The following TRIM2 variants were observed in gnomAD, a reference collection of about 807,000 sequenced individuals.
TRIM2 encodes tripartite motif containing 2, also known as tripartite motif-containing protein 2.
Under a neutral mutation model 75.2 loss-of-function variants are expected in TRIM2, and 20 were observed. The ratio of observed to expected loss-of-function variants is 0.27; its 90% confidence interval spans 0.19 to 0.39. The LOEUF (loss-of-function observed/expected upper bound fraction) is 0.39. Ranked by LOEUF, TRIM2 falls within the 10% of genes least tolerant of loss-of-function variation. The pLI is 1.00. For synonymous variants in TRIM2, 373 were observed against 388.3 expected (o/e 0.96, Z 0.46); for missense variants, 660 against 990.8 (o/e 0.67, Z 4.48).
chr4:153,259,200 G>A (rs746984211), intron 1 of TRIM2, among the ~76,000 whole-genome samples: 1 of 152,004 alleles, frequency 6.6e-6, no homozygotes, highest in Non-Finnish European at 1.5e-5. Flanking sequence ...ATCTATACAC[G>A]TTTTTTCCAT....
At chr4:153,304,272 C>T (rs1764529560) in intron 6 of TRIM2, among the ~76,000 whole-genome samples, 1 of 152,068 alleles carries the variant, frequency 6.6e-6, no homozygotes, top group Non-Finnish European at 1.5e-5. Flanking sequence ...CACCACCACA[C>T]CTGGCTAATT....
chr4:153,324,384 AG>A (rs754846490), intron 10 of TRIM2: 1 of 290,766 alleles, frequency 3.4e-6, no homozygotes, highest in Non-Finnish European at 6.3e-6. Flanking sequence ...GCAAATGAAG[AG>A]GACTTGAAAA....
At chr4:153,298,500 A>G (rs1318351356) in intron 6 of TRIM2, among the ~76,000 whole-genome samples, 1 of 152,102 alleles carries the variant, frequency 6.6e-6, no homozygotes, top group African/African-American at 2.4e-5. Context: ...AACACCAATC[A>G]TACTGAATTA....
chr4:153,322,080 C>A (rs1190751971), intron 8 of TRIM2, among the ~76,000 whole-genome samples: 1 of 152,036 alleles, frequency 6.6e-6, no homozygotes, highest in Non-Finnish European at 1.5e-5. Context: ...TTTAGGGGAT[C>A]CTAGACTATT....
At chr4:153,159,661 C>T (rs6817112) in intron 1 of TRIM2, among the ~76,000 whole-genome samples, 35,603 of 151,898 alleles carry the variant, frequency 0.23, 4,288 homozygotes, top group East Asian at 0.31. Flanking sequence ...CTCTCTTGTG[C>T]TTGTAACTCA....
chr4:153,268,929 C>G (rs1755956479), intron 1 of TRIM2, among the ~76,000 whole-genome samples: 1 of 152,222 alleles, frequency 6.6e-6, no homozygotes, highest in Admixed American at 6.5e-5. Context: ...GCCTTTGTCC[C>G]TACCCCATAG....
intron 8 of TRIM2, among the ~76,000 whole-genome samples, chr4:153,319,924 TG>T (rs1408140032): frequency 6.6e-6 from 1 of 152,170 alleles, no homozygotes; most frequent in East Asian, 1.9e-4. Context: ...CTGCCCTAGT[TG>T]TCACTACATG....
intron 8 of TRIM2, among the ~76,000 whole-genome samples, chr4:153,319,100 A>G (rs988996924): frequency 3.3e-5 from 5 of 152,252 alleles, no homozygotes; most frequent in African/African-American, 9.6e-5. Flanking sequence ...ACTCAGTAAA[A>G]TTAAACAAGT....
At chr4:153,255,599 A>T (rs1180512074) in intron 1 of TRIM2, among the ~76,000 whole-genome samples, 1 of 152,218 alleles carries the variant, frequency 6.6e-6, no homozygotes. Flanking sequence ...GGTCCTAATT[A>T]AACTGTAAAC....
At chr4:153,285,051 C>G (rs1345582236) in intron 3 of TRIM2, among the ~76,000 whole-genome samples, 3 of 152,150 alleles carry the variant, frequency 2.0e-5, no homozygotes, top group African/African-American at 7.2e-5. Context: ...CTGTTTCCTT[C>G]TAAGATTTTT....
chr4:153,211,546 G>C (rs12504995), intron 1 of TRIM2, among the ~76,000 whole-genome samples: 20,183 of 148,408 alleles, frequency 0.14, 1,385 homozygotes, highest in Admixed American at 0.16. Flanking sequence ...GGAGTGCAGT[G>C]GTGCAATCAT....
At chr4:153,181,325 G>T (rs746606058) in intron 1 of TRIM2, among the ~76,000 whole-genome samples, 2 of 151,956 alleles carry the variant, frequency 1.3e-5, no homozygotes, top group African/African-American at 2.4e-5. Flanking sequence ...TCAAAGGCAG[G>T]CAGGAAACGA....
intron 6 of TRIM2, 100 bp from the exon 7 acceptor site, chr4:153,315,385 C>A: frequency 1.1e-6 from 1 of 906,322 alleles, no homozygotes; most frequent in Non-Finnish European, 1.6e-6. Context: ...AAAAACAATG[C>A]ATTCTCAGGT....
At chr4:153,169,854 C>T (rs540578099) in intron 1 of TRIM2, among the ~76,000 whole-genome samples, 5 of 152,278 alleles carry the variant, frequency 3.3e-5, no homozygotes, top group African/African-American at 1.2e-4. Context: ...ATATGGGATA[C>T]GTGAACCATG....
rs531941758 is a variant in TRIM2, at chr4:153,218,998, C to A, written c.30+14438C>A. Among the ~76,000 whole-genome samples, 172 of 152,256 alleles carry A rather than the reference C, an allele frequency of 1.1e-3. 1 individual carries two copies. The highest frequency in any genetic ancestry group is 4.1e-3 in the African/African-American group (170 of 41,540). ...CAGATGATTGTCCTTGTCCTGACCC[C>A]CCCCATTCTGCTTTGGATTATAGTT... On this transcript the variant is annotated intron_variant, in intron 1 of 11. Coordinates refer to ENST00000338700, the MANE Select transcript of TRIM2 (RefSeq NM_015271.5).
In TRIM2 at chr4:153,295,835, C is replaced by G. The variant is rs779051715; in HGVS notation, c.1309C>G (p.Gln437Glu). The G allele has an allele frequency of 6.2e-7, 1 of 1,614,092 alleles. No homozygotes were observed. Among genetic ancestry groups the G allele is most frequent in the South Asian group, 1.1e-5 (1 of 91,078 alleles). The change falls in exon 6 of 12, where the codon CAG (glutamine) becomes GAG (glutamate). Residue 437 changes from glutamine (Q) to glutamate (E), a missense_variant. By Grantham distance (29) the Gln-to-Glu change is conservative (BLOSUM62 2). Around this residue, in one of 2 missense-constraint regions of TRIM2, gnomAD observed 620 missense variants for 891.0 expected, o/e 0.70. Coordinates refer to ENST00000338700, the MANE Select transcript of TRIM2 (RefSeq NM_015271.5). This position sits in a 1 kb window ranked among gnomAD's most constrained non-coding sequence, Gnocchi z 7.2. ...DFTLSLRLYDQHIRGSPFKLK... is the reference protein window; with the variant it reads ...DFTLSLRLYDEHIRGSPFKLK... The stretch of plus-strand genomic sequence containing the variant: ...TACCCTGTCTCTGAGACTCTATGAC[C>G]AGCACATCCGAGGCAGCCCGTTTAA...
At chr4:153,275,830 G>T in intron 2 of TRIM2, 63 bp from the exon 3 acceptor site, 1 of 1,438,566 alleles carries the variant, frequency 7.0e-7, no homozygotes, top group South Asian at 1.2e-5. Context: ...GAACATGTAT[G>T]GTACCTGTGA....
intron 8 of TRIM2, among the ~76,000 whole-genome samples, chr4:153,322,070 T>A (rs1246630187): frequency 3.3e-5 from 5 of 152,140 alleles, no homozygotes; most frequent in Non-Finnish European, 2.9e-5. Flanking sequence ...GTGACCCCAG[T>A]TTAGGGGATC....
chr4:153,294,481 A>G lies in TRIM2; in HGVS notation c.782A>G (p.His261Arg), dbSNP rs1174931277. The G allele has an allele frequency of 6.2e-7, 1 of 1,613,350 alleles. No homozygotes were observed. Among genetic ancestry groups the G allele is most frequent in the Non-Finnish European group, 8.5e-7 (1 of 1,179,606 alleles). ...TTGGAGGTCAACTATGGCCTCAAACACAAAGTAAGACCAGAATCATTACAG... is the reference window on the plus strand; with the variant it reads ...TTGGAGGTCAACTATGGCCTCAAACGCAAAGTAAGACCAGAATCATTACAG... ...MELEVNYGLK[H>R]KVLQSQLDTL... Residue 261 changes from histidine (H) to arginine (R), a missense_variant, in exon 5 of 12, where the codon CAC becomes CGC. Transcript: ENST00000338700.
Sources: allele counts gnomAD v4.1 joint callset (sites outside exome capture counted in the v4.1 genomes callset), GRCh38; gene constraint gnomAD v4.1.1; regional missense constraint gnomAD v4.1.1; non-coding constraint Gnocchi (gnomAD v3.1); transcripts MANE v1.5; gene names NCBI Gene and HGNC (gene_info 2026-07-23, HGNC 2026-07-21).